GMPS: variants seen among roughly 807,000 people sequenced by gnomAD.
GMPS encodes the protein guanosine monophosphate synthase.
Under a neutral mutation model 77.9 loss-of-function variants are expected in GMPS, and 15 were observed. The ratio of observed to expected loss-of-function variants is 0.19; its 90% CI spans 0.13 to 0.30. GMPS has a LOEUF of 0.30. GMPS is among the 10% of genes least tolerant of loss of function. The pLI is 1.00. For missense variants in GMPS, 590 were observed against 838.8 expected (o/e 0.70, Z 3.66); for synonymous variants, 224 against 275.9 (o/e 0.81, Z 1.86).
In GMPS at chr3:155,916,013, T is replaced by TTA; in HGVS notation, c.1039-3_1039-2dup. On this transcript the variant is annotated splice_region_variant and splice_polypyrimidine_tract_variant and intron_variant, in intron 8 of 15. Transcript: ENST00000496455. ...TACAAGGCTGTTTTACTCCTGTTGA[T>TTA]TATAGATTGCCAATGAAGTAATTGG... 6.2e-7 allele frequency: 1 copy of TTA among 1,608,080 alleles called. No individual in the cohort carries two copies. Among genetic ancestry groups the TTA allele is most frequent in the Non-Finnish European group, 8.5e-7 (1 of 1,175,786 alleles).
At chr3:155,915,976 A>G in intron 8 of GMPS, 43 bp from the exon 9 acceptor site, 1 of 1,431,652 alleles carries the variant, frequency 7.0e-7, no homozygotes, top group East Asian at 2.3e-5. Flanking sequence ...GCTTTTAAAA[A>G]AAGTTATCTC....
Position 155,889,257 on chromosome 3 carries a change from T to C in GMPS, c.28-4261T>C, listed in dbSNP as rs181272578. Reference sequence around the variant, plus strand: ...GTCTGTTCCTTCTCCCTTTTTCCTGTCCTGTTAGTTTTGGTCATCTCCCAG... The same window carrying C: ...GTCTGTTCCTTCTCCCTTTTTCCTGCCCTGTTAGTTTTGGTCATCTCCCAG... On this transcript the variant is annotated intron_variant, in intron 1 of 15. Coordinates refer to ENST00000496455, the MANE Select transcript of GMPS (RefSeq NM_003875.3). 1.7e-4 allele frequency among the ~76,000 whole-genome samples: 26 copies of C among 152,276 alleles called. 1 individual carries two copies. Among genetic ancestry groups the C allele is most frequent in the Non-Finnish European group, 1.5e-4 (10 of 68,018 alleles).
At chr3:155,884,349 G>C (rs1378582032) in intron 1 of GMPS, among the ~76,000 whole-genome samples, 1 of 147,530 alleles carries the variant, frequency 6.8e-6, no homozygotes, top group African/African-American at 2.5e-5. Context: ...TCGCACCACT[G>C]CACTCCACCC....
chr3:155,918,783 T>G (rs2108117686), intron 9 of GMPS, among the ~76,000 whole-genome samples: 1 of 152,310 alleles, frequency 6.6e-6, no homozygotes, highest in South Asian at 2.1e-4. Flanking sequence ...ATTTTTTTAT[T>G]ATTGAGTTGT....
chr3:155,926,911 G>A (rs1755472465), intron 12 of GMPS, among the ~76,000 whole-genome samples: 1 of 152,054 alleles, frequency 6.6e-6, no homozygotes, highest in Admixed American at 6.5e-5. Context: ...CTAGTCGGGA[G>A]GCTGAGGCAG....
intron 13 of GMPS, among the ~76,000 whole-genome samples, chr3:155,933,206 GAAAA>G (rs748186459): frequency 5.4e-5 from 8 of 147,748 alleles, no homozygotes; most frequent in Non-Finnish European, 1.2e-4. Flanking sequence ...AAAGGAAAAA[GAAAA>G]AAAAAAGAAT....
intron 8 of GMPS, 88 bp from the exon 9 acceptor site, chr3:155,915,931 G>C: frequency 2.6e-6 from 2 of 772,290 alleles, no homozygotes; most frequent in Non-Finnish European, 4.2e-6. Context: ...ATTTCTAAAG[G>C]ACTCTAAGAG....
intron 10 of GMPS, among the ~76,000 whole-genome samples, chr3:155,919,559 C>T (rs969971021): frequency 2.2e-4 from 33 of 152,136 alleles, no homozygotes; most frequent in African/African-American, 8.0e-4. Flanking sequence ...TTAAGTGTTA[C>T]ATTATCCTTG....
chr3:155,913,606 C>T (rs1265770584), intron 7 of GMPS, among the ~76,000 whole-genome samples: 1 of 151,606 alleles, frequency 6.6e-6, no homozygotes, highest in East Asian at 1.9e-4. Context: ...ACTGCAACCT[C>T]TGCCTCCCAG....
At chr3:155,870,629 G>T, upstream of GMPS, 1 of 464,560 alleles carries the variant, frequency 2.2e-6, no homozygotes, top group African/African-American at 2.0e-5. Context: ...GCCGGCCGGG[G>T]CGGAAGCAGG....
intron 10 of GMPS, among the ~76,000 whole-genome samples, chr3:155,920,574 TAA>T (rs145651357): frequency 4.6e-5 from 5 of 109,712 alleles, no homozygotes; most frequent in Non-Finnish European, 3.6e-5. Context: ...GACTCCATCT[TAA>T]AAAAAAAAAA....
intron 2 of GMPS, 76 bp downstream of exon 2, chr3:155,893,775 C>T (rs1754530214): frequency 1.3e-6 from 1 of 743,110 alleles, no homozygotes; most frequent in Non-Finnish European, 2.0e-6. Flanking sequence ...TTTTCTTGAG[C>T]ACTGAATTTT....
intron 2 of GMPS, among the ~76,000 whole-genome samples, chr3:155,894,232 C>CT (rs1006206517): frequency 4.0e-5 from 6 of 151,502 alleles, no homozygotes; most frequent in East Asian, 3.9e-4. Flanking sequence ...GTCATGCTTT[C>CT]TTTTTTTTTG....
chr3:155,906,170 A>G lies in GMPS; in HGVS notation c.433A>G (p.Lys145Glu). The G allele has an allele frequency of 1.3e-6, 2 of 1,590,568 alleles. No individual in the cohort carries two copies. The highest frequency in any genetic ancestry group is 1.7e-6 in the Non-Finnish European group (2 of 1,165,240). Residue 145 changes from lysine to glutamate, a missense_variant, in exon 5 of 16, where the codon AAG becomes GAG. Lys to Glu is a moderately conservative substitution (Grantham distance 56, BLOSUM62 1). This residue lies in a region of GMPS where 136 missense variants were observed against 225.6 expected (regional missense o/e 0.60). Coordinates refer to ENST00000496455, the MANE Select transcript of GMPS (RefSeq NM_003875.3). Reference sequence around the variant, plus strand: ...TTTTTGTATGTTTAGGGGCCTTCAGAAGGAAGAAGTTGTTTTGCTTACACA... The same window carrying G: ...TTTTTGTATGTTTAGGGGCCTTCAGGAGGAAGAAGTTGTTTTGCTTACACA... ...NTCSLFRGLQ[K>E]EEVVLLTHGD... is the part of the protein sequence containing the mutation.
intron 1 of GMPS, among the ~76,000 whole-genome samples, chr3:155,886,805 C>T (rs1378176247): frequency 1.3e-5 from 2 of 151,884 alleles, no homozygotes; most frequent in African/African-American, 4.8e-5. Context: ...CGTGCCCGGC[C>T]TCCTGATGAC....
intron 1 of GMPS, among the ~76,000 whole-genome samples, chr3:155,879,875 C>T (rs750215102): frequency 1.6e-4 from 24 of 151,592 alleles, no homozygotes; most frequent in Admixed American, 5.9e-4. Context: ...GGATTTCAGG[C>T]GCCTGCCACC....
chr3:155,883,196 C>T lies in GMPS; in HGVS notation c.28-10322C>T, dbSNP rs117288843. On this transcript the variant is annotated intron_variant, in intron 1 of 15. Transcript: ENST00000496455. ...AAGCCATTCTCATGCCTCAGGCTCC[C>T]GAGTAACTAAAACTGTAGGTGTGCG... 7.1e-4 allele frequency among the ~76,000 whole-genome samples: 108 copies of T among 152,178 alleles called. 1 individual carries two copies. In the East Asian group the frequency reaches 0.011, roughly 16 times the overall value.
chr3:155,905,772 A>G (rs1005791254), intron 4 of GMPS, among the ~76,000 whole-genome samples: 7 of 152,176 alleles, frequency 4.6e-5, no homozygotes, highest in Admixed American at 2.0e-4. Context: ...TCCTATTACT[A>G]CTTACATAAG....
intron 2 of GMPS, chr3:155,895,645 TA>T (rs1560041009): frequency 6.6e-6 from 1 of 152,172 alleles, no homozygotes; most frequent in Non-Finnish European, 1.5e-5. Flanking sequence ...GCCTGATACA[TA>T]AAATTGGTAT....
Sources: allele counts gnomAD v4.1 joint callset (sites outside exome capture counted in the v4.1 genomes callset), GRCh38; gene constraint gnomAD v4.1.1; regional missense constraint gnomAD v4.1.1; transcripts MANE v1.5; gene names NCBI Gene and HGNC (gene_info 2026-07-23, HGNC 2026-07-21).